The following SLC38A6 variants were observed in gnomAD, a reference collection of about 807,000 sequenced individuals.
The protein encoded by SLC38A6 is N system amino acid transporter NAT-1.
In SLC38A6, 73 loss-of-function variants were observed where a neutral mutation model predicts 65.0. The observed-to-expected ratio is 1.12, with a 90% CI of 0.93 to 1.37. The LOEUF (loss-of-function observed/expected upper bound fraction) is 1.37, where lower values mean the gene tolerates loss of function less well. SLC38A6 is among the 40% of genes most tolerant of loss of function. The probability of loss-of-function intolerance (pLI) is 0.00; values close to 1 mark genes in which losing one functional copy is unlikely to be tolerated. For missense variants in SLC38A6, 561 were observed against 531.1 expected (o/e 1.06, Z -0.55); for synonymous variants, 183 against 178.8 (o/e 1.02, Z -0.19).
chr14:61,069,722 T>A (rs1226921275), intron 15 of SLC38A6, among the ~76,000 whole-genome samples: 1 of 152,216 alleles, frequency 6.6e-6, no homozygotes, highest in Non-Finnish European at 1.5e-5. Flanking sequence ...ATTTTTCGTA[T>A]TTTTTTCATA....
At chr14:61,071,820 C>A (rs918932440) in intron 15 of SLC38A6, among the ~76,000 whole-genome samples, 15 of 152,164 alleles carry the variant, frequency 9.9e-5, no homozygotes, top group Non-Finnish European at 1.6e-4. Flanking sequence ...TTGTAATTAA[C>A]CCAAAGACAG....
At chr14:61,036,373 C>A (rs1328865250) in intron 6 of SLC38A6, among the ~76,000 whole-genome samples, 2 of 148,802 alleles carry the variant, frequency 1.3e-5, no homozygotes, top group African/African-American at 5.0e-5. Flanking sequence ...TGTTCTCACT[C>A]GTAAGTGAGA....
chr14:61,009,839 C>T (rs2039422017), intron 3 of SLC38A6, among the ~76,000 whole-genome samples: 1 of 152,196 alleles, frequency 6.6e-6, no homozygotes, highest in African/African-American at 2.4e-5. Context: ...CCACAGTAAA[C>T]ATACGTGTGC....
At chr14:61,061,228 G>C (rs1344611623) in intron 15 of SLC38A6, among the ~76,000 whole-genome samples, 1 of 152,170 alleles carries the variant, frequency 6.6e-6, no homozygotes, top group Non-Finnish European at 1.5e-5. Context: ...CTGTTTATGT[G>C]ATGAATCACA....
chr14:61,036,763 C>T (rs921146076), intron 6 of SLC38A6, among the ~76,000 whole-genome samples: 1 of 152,092 alleles, frequency 6.6e-6, no homozygotes, highest in Admixed American at 6.6e-5. Flanking sequence ...GCTTTTTACA[C>T]ACCTCATCAC....
chr14:61,020,067 ATTC>A (rs974473213), intron 5 of SLC38A6, among the ~76,000 whole-genome samples: 46 of 152,246 alleles, frequency 3.0e-4, no homozygotes, highest in African/African-American at 1.1e-3. Context: ...ATAAATAAGC[ATTC>A]TCACATTTAT....
At chr14:61,045,833 C>G (rs905429322) in intron 11 of SLC38A6, among the ~76,000 whole-genome samples, 3 of 151,574 alleles carry the variant, frequency 2.0e-5, no homozygotes, top group Non-Finnish European at 2.9e-5. Context: ...TTACAGTGAG[C>G]CGAGATCACA....
rs57421102 is a variant in SLC38A6, at chr14:61,075,777, TTGTGTGTGTGTG to T, written c.1291-2989_1291-2978del. On this transcript the variant is annotated intron_variant, in intron 15 of 16. Transcript: ENST00000354886. ...AAGAACGTGCCATAGATCAACCTGTTTGTGTGTGTGTGTGTGTGTGTGTGTGTGTGTGTGTGT... is the reference window on the plus strand; with the variant it reads ...AAGAACGTGCCATAGATCAACCTGTTTGTGTGTGTGTGTGTGTGTGTGTGT... Among the ~76,000 whole-genome samples the T allele has an allele frequency of 9.2e-3, 1,136 of 123,378 alleles. 8 individuals carry two copies. Among genetic ancestry groups the T allele is most frequent in the African/African-American group, 0.022 (735 of 33,196 alleles). The allele number at this position is 123,378 out of a possible 152,430, so 80.9% of individuals were successfully genotyped here.
chr14:61,005,912 A>G (rs1305223026), intron 3 of SLC38A6, among the ~76,000 whole-genome samples: 3 of 152,140 alleles, frequency 2.0e-5, no homozygotes, highest in African/African-American at 7.2e-5. Context: ...GCATCACGCT[A>G]CCTGACTTCA....
intron 16 of SLC38A6, among the ~76,000 whole-genome samples, chr14:61,081,488 C>T (rs1427418892): frequency 6.6e-6 from 1 of 152,130 alleles, no homozygotes; most frequent in African/African-American, 2.4e-5. Context: ...AGTTCGAGAC[C>T]AGCCTGACCA....
chr14:61,012,181 A>G (rs552477714), intron 3 of SLC38A6, among the ~76,000 whole-genome samples: 3 of 152,220 alleles, frequency 2.0e-5, no homozygotes, highest in South Asian at 2.1e-4. Flanking sequence ...AGAGGTGTTT[A>G]TAGTATTCTC....
chr14:61,065,281 G>A (rs1352665811), intron 15 of SLC38A6, among the ~76,000 whole-genome samples: 1 of 152,122 alleles, frequency 6.6e-6, no homozygotes, highest in Admixed American at 6.6e-5. Flanking sequence ...AACCTCTCTG[G>A]CTTTGTTTGC....
intron 3 of SLC38A6, among the ~76,000 whole-genome samples, chr14:60,988,621 T>G (rs75472967): frequency 1.3e-5 from 2 of 152,158 alleles, no homozygotes; most frequent in African/African-American, 4.8e-5. Flanking sequence ...ACCATCTCCT[T>G]TGTTTCTAAC....
At chr14:61,033,273 G>T (rs978661933) in intron 6 of SLC38A6, among the ~76,000 whole-genome samples, 1 of 151,772 alleles carries the variant, frequency 6.6e-6, no homozygotes, top group African/African-American at 2.4e-5. Flanking sequence ...AATAAATCTG[G>T]TTTTCATTAA....
chr14:61,051,750 T>C, intron 13 of SLC38A6, 37 bp from the exon 14 acceptor site: 1 of 1,603,600 alleles, frequency 6.2e-7, no homozygotes, highest in Non-Finnish European at 8.5e-7. Context: ...ACTTTGACAT[T>C]TCCTCTTCGC....
chr14:61,025,365 T>G (rs2040548785), intron 5 of SLC38A6, among the ~76,000 whole-genome samples: 1 of 152,172 alleles, frequency 6.6e-6, no homozygotes, highest in Non-Finnish European at 1.5e-5. Context: ...GTGTTTCAGA[T>G]ATACTAGTTT....
rs539639386 is a variant in SLC38A6 at position 60,987,851 on chromosome 14, A to G, written c.310+3048A>G. On this transcript the variant is annotated intron_variant, in intron 3 of 15. Coordinates refer to ENST00000267488, the MANE Select transcript of SLC38A6 (RefSeq NM_153811.3). ...CACAACTCCCTAGTCGTTGATCCCT[A>G]CTACTCACTGGATTGTCACCATTAT... Among the ~76,000 whole-genome samples, 14 of 152,308 alleles carry G rather than the reference A, an allele frequency of 9.2e-5. No individual in the cohort carries two copies. In the South Asian group the frequency reaches 2.1e-3, roughly 23 times the overall value.
intron 6 of SLC38A6, among the ~76,000 whole-genome samples, chr14:61,035,148 T>C (rs1008381261): frequency 6.6e-6 from 1 of 152,216 alleles, no homozygotes; most frequent in Admixed American, 6.5e-5. Flanking sequence ...CTCCCATTTT[T>C]GCATAAGTTT....
intron 15 of SLC38A6, among the ~76,000 whole-genome samples, chr14:61,060,929 C>G (rs573279513): frequency 6.7e-6 from 1 of 149,308 alleles, no homozygotes; most frequent in Non-Finnish European, 1.5e-5. Flanking sequence ...AAAGGGAACT[C>G]CCTGACCCCT....
Sources: allele counts gnomAD v4.1 joint callset (sites outside exome capture counted in the v4.1 genomes callset), GRCh38; gene constraint gnomAD v4.1.1; transcripts MANE v1.5; gene names NCBI Gene and HGNC (gene_info 2026-07-23, HGNC 2026-07-21).